The following XKR9 variants were observed in gnomAD, a reference collection of about 807,000 sequenced individuals.
XKR9 encodes XK related 9.
XKR9 carries 32 observed loss-of-function variants against 32.0 expected under a neutral mutation model. The observed-to-expected ratio is 1.00, with a 90% confidence interval of 0.76 to 1.34. The LOEUF (loss-of-function observed/expected upper bound fraction) is 1.34, where lower values mean the gene tolerates loss of function less well. Ranked by LOEUF, XKR9 falls within the 40% of genes most tolerant of loss-of-function variation. The probability of loss-of-function intolerance (pLI) is 0.00; values close to 1 mark genes in which losing one functional copy is unlikely to be tolerated. For synonymous variants in XKR9, 168 were observed against 143.4 expected (o/e 1.17, Z -1.22); for missense variants, 546 against 429.7 (o/e 1.27, Z -2.39).
the XKR9 span, among the ~76,000 whole-genome samples, chr8:70,899,666 T>A: frequency 6.6e-6 from 1 of 152,238 alleles, no homozygotes; most frequent in South Asian, 2.1e-4. Context: ...TTGCAGTAAG[T>A]GGCAGAGAGG....
intron 3 of XKR9, among the ~76,000 whole-genome samples, chr8:70,699,474 T>C (rs1805429692): frequency 6.6e-6 from 1 of 152,158 alleles, no homozygotes; most frequent in African/African-American, 2.4e-5. Context: ...ATTTCTGGGT[T>C]GAAAATTCTT....
intron 3 of XKR9, among the ~76,000 whole-genome samples, chr8:70,686,600 T>C (rs368901519): frequency 1.3e-5 from 2 of 152,180 alleles, no homozygotes; most frequent in African/African-American, 4.8e-5. Context: ...TGTGCCACCA[T>C]GCCTGGCTAA....
At chr8:70,692,560 A>G (rs1586820223) in intron 3 of XKR9, among the ~76,000 whole-genome samples, 2 of 151,012 alleles carry the variant, frequency 1.3e-5, no homozygotes, top group South Asian at 2.1e-4. Context: ...TGCATTTGTC[A>G]TAGATGGCTC....
At chr8:70,739,810 G>T (rs1280688492), downstream of XKR9, among the ~76,000 whole-genome samples, 4 of 152,132 alleles carry the variant, frequency 2.6e-5, no homozygotes, top group Non-Finnish European at 5.9e-5. Flanking sequence ...CTCTCTTCTG[G>T]CTTGTAGAGT....
At chr8:70,788,083 A>G (rs893875197) in intron 2 of XKR9, among the ~76,000 whole-genome samples, 2 of 152,126 alleles carry the variant, frequency 1.3e-5, no homozygotes, top group African/African-American at 4.8e-5. Context: ...AGTTATCATT[A>G]ATAGTTACAC....
the XKR9 span, among the ~76,000 whole-genome samples, chr8:70,806,119 G>A: frequency 6.6e-6 from 1 of 152,174 alleles, no homozygotes; most frequent in Non-Finnish European, 1.5e-5. Context: ...GAGTGAACCA[G>A]ATGAATGGGG....
the XKR9 span, among the ~76,000 whole-genome samples, chr8:70,864,713 C>T: frequency 6.6e-6 from 1 of 152,086 alleles, no homozygotes; most frequent in African/African-American, 2.4e-5. Context: ...TGAAGCATAT[C>T]ATTTCTCTGC....
chr8:70,862,044 T>C, the XKR9 span, among the ~76,000 whole-genome samples: 1 of 152,172 alleles, frequency 6.6e-6, no homozygotes, highest in Non-Finnish European at 1.5e-5. Flanking sequence ...TATGAACAAG[T>C]GAGACGGAGT....
chr8:70,681,117 C>G lies in XKR9; in HGVS notation c.59C>G (p.Thr20Ser). ...GTTCTTGGCATTATAATCTACGTAACTGATTTAATTGTGGACATATGGGTA... is the reference window on the plus strand; with the variant it reads ...GTTCTTGGCATTATAATCTACGTAAGTGATTTAATTGTGGACATATGGGTA... ...MSVLGIIIYV[T>S]DLIVDIWVSV... Residue 20 changes from threonine to serine, a missense_variant, in exon 3 of 5, where the codon ACT (threonine) becomes AGT (serine). Coordinates refer to ENST00000408926, the MANE Select transcript of XKR9 (RefSeq NM_001011720.2). 6.2e-7 allele frequency: 1 copy of G among 1,613,280 alleles called. No individual in the cohort carries two copies. Among genetic ancestry groups the G allele is most frequent in the Non-Finnish European group, 8.5e-7 (1 of 1,179,478 alleles).
chr8:70,889,188 G>A, the XKR9 span, among the ~76,000 whole-genome samples: 221 of 150,940 alleles, frequency 1.5e-3, no homozygotes, highest in African/African-American at 5.1e-3. Context: ...TTTATTCCTC[G>A]GTGGTTTATT....
chr8:70,690,724 C>T (rs900380271), intron 3 of XKR9, among the ~76,000 whole-genome samples: 1 of 152,162 alleles, frequency 6.6e-6, no homozygotes, highest in Non-Finnish European at 1.5e-5. Flanking sequence ...ATGATAGCCT[C>T]CAGCTCCTTC....
At chr8:70,962,657 T>C in the XKR9 span, among the ~76,000 whole-genome samples, 166 of 152,332 alleles carry the variant, frequency 1.1e-3, 1 homozygote, top group African/African-American at 3.9e-3. Flanking sequence ...TGAATAGCAA[T>C]GAGAATAGAC....
chr8:71,036,944 G>A, the XKR9 span, among the ~76,000 whole-genome samples: 1 of 149,722 alleles, frequency 6.7e-6, no homozygotes, highest in Non-Finnish European at 1.5e-5. Flanking sequence ...AAACTCCTGA[G>A]CTTAAGCAAT....
the XKR9 span, among the ~76,000 whole-genome samples, chr8:70,857,241 A>G: frequency 6.6e-6 from 1 of 152,178 alleles, no homozygotes; most frequent in Non-Finnish European, 1.5e-5. Context: ...ACTAATAAAG[A>G]AGAAAAGAGG....
At chr8:71,040,037 G>C in the XKR9 span, among the ~76,000 whole-genome samples, 2 of 152,076 alleles carry the variant, frequency 1.3e-5, no homozygotes, top group Non-Finnish European at 2.9e-5. Flanking sequence ...TAGACTTATC[G>C]GTGTCTATTA....
intron 4 of XKR9, among the ~76,000 whole-genome samples, chr8:70,718,385 A>T (rs1162047633): frequency 2.0e-5 from 3 of 152,042 alleles, no homozygotes; most frequent in South Asian, 2.1e-4. Flanking sequence ...TACATGTGCC[A>T]TGTTGGTTTG....
At chr8:70,849,222 C>G in the XKR9 span, among the ~76,000 whole-genome samples, 27 of 151,486 alleles carry the variant, frequency 1.8e-4, no homozygotes, top group East Asian at 5.2e-3. Context: ...AAATACAAAA[C>G]AAAACAAAAC....
chr8:70,827,303 G>A, the XKR9 span, among the ~76,000 whole-genome samples: 1 of 152,094 alleles, frequency 6.6e-6, no homozygotes, highest in African/African-American at 2.4e-5. Flanking sequence ...CTGATAGGCA[G>A]GGAAGAAAAA....
chr8:70,855,883 C>A, the XKR9 span, among the ~76,000 whole-genome samples: 3 of 152,238 alleles, frequency 2.0e-5, no homozygotes, highest in East Asian at 5.8e-4. Context: ...AACCAAGCTT[C>A]ATAAGTGAAG....
Sources: gnomAD v4.1 joint callset for allele counts (sites outside exome capture counted in the v4.1 genomes callset) on GRCh38, gnomAD v4.1.1 for gene constraint, MANE v1.5 for transcripts, NCBI Gene and HGNC (gene_info 2026-07-23, HGNC 2026-07-21) for gene names.